The following WDFY4 variants were observed in gnomAD, a reference collection of about 807,000 sequenced individuals.
WDFY4 encodes the protein WDFY family member 4, also known as WD repeat- and FYVE domain-containing protein 4.
Under a neutral mutation model 351.9 loss-of-function variants are expected in WDFY4, and 169 were observed. That is an observed-to-expected ratio of 0.48 (90% CI 0.42 to 0.55). The LOEUF is 0.55. WDFY4 is among the 20% of genes least tolerant of loss of function. The probability of loss-of-function intolerance (pLI) is 0.00; values close to 1 mark genes in which losing one functional copy is unlikely to be tolerated. For synonymous variants in WDFY4, 1,622 were observed against 1,574.6 expected, an observed-to-expected ratio of 1.03 and a Z score of -0.71; for missense variants, 3,803 against 3,935.6, an observed-to-expected ratio of 0.97 and a Z score of 0.90.
chr10:48,828,905 T>C lies in WDFY4; in HGVS notation c.6340+9T>C, dbSNP rs948390666. Reference sequence around the variant, plus strand: ...ACCAAGTTTGAGTGATGGTACATTTTATTTGTCATTGTGTGTGTGGGCGGG... The same window carrying C: ...ACCAAGTTTGAGTGATGGTACATTTCATTTGTCATTGTGTGTGTGGGCGGG... On this transcript the variant is annotated intron_variant, in intron 37 of 61. Transcript: ENST00000325239. 4.8e-6 allele frequency: 4 copies of C among 839,614 alleles called. No individual in the cohort carries two copies. Among genetic ancestry groups the C allele is most frequent in the African/African-American group, 4.5e-5 (2 of 44,592 alleles). 52.0% of individuals were successfully genotyped at this position (839,614 alleles called of 1,614,324 possible). A position where few individuals can be genotyped will look rare whatever the true frequency, so the allele number is the denominator to read the frequency against.
intron 6 of WDFY4, 77 bp downstream of exon 6, chr10:48,726,147 C>T: frequency 6.9e-7 from 1 of 1,441,714 alleles, no homozygotes. Flanking sequence ...GGCTGAGGGC[C>T]CACTTTCTAC....
chr10:48,731,688 G>A (rs889026001), intron 9 of WDFY4, 126 bp downstream of exon 9: 21 of 1,149,708 alleles, frequency 1.8e-5, no homozygotes, highest in Non-Finnish European at 2.4e-5. Context: ...GGGAAGGTAT[G>A]CTTGGGACAC....
At chr10:48,846,697 G>T (rs1041486631) in intron 39 of WDFY4, among the ~76,000 whole-genome samples, 1 of 152,238 alleles carries the variant, frequency 6.6e-6, no homozygotes, top group Non-Finnish European at 1.5e-5. Flanking sequence ...GAGTCACACA[G>T]TAGGACTAAC....
chr10:48,899,674 G>GA (rs201433975), intron 45 of WDFY4, among the ~76,000 whole-genome samples: 452 of 150,842 alleles, frequency 3.0e-3, no homozygotes, highest in Middle Eastern at 6.8e-3. Context: ...AAGGGTGGGA[G>GA]AAAAAAAAAG....
chr10:48,714,698 A>G (rs530780812), intron 2 of WDFY4, among the ~76,000 whole-genome samples: 1 of 152,246 alleles, frequency 6.6e-6, no homozygotes, highest in Non-Finnish European at 1.5e-5. Context: ...GAAGTAGCCA[A>G]TGAGGTTTAT....
intron 39 of WDFY4, among the ~76,000 whole-genome samples, chr10:48,839,965 A>G (rs114592192): frequency 0.011 from 1,627 of 152,284 alleles, 29 homozygotes; most frequent in African/African-American, 0.037. Flanking sequence ...TTTTCCTGAG[A>G]TAACTGACCC....
chr10:48,711,739 C>T (rs1000562588), intron 2 of WDFY4, among the ~76,000 whole-genome samples: 49 of 152,256 alleles, frequency 3.2e-4, no homozygotes, highest in African/African-American at 1.1e-3. Context: ...GTGAGTGTGG[C>T]CCAGAGCAGA....
At chr10:48,823,114 A>G (rs1197523632) in intron 35 of WDFY4, 15 of 1,299,892 alleles carry the variant, frequency 1.2e-5, no homozygotes, top group Admixed American at 9.2e-5. Flanking sequence ...ATGTGCATGC[A>G]TATACACACA....
chr10:48,734,138 A>G (rs2064564282), intron 10 of WDFY4, 103 bp downstream of exon 10: 1 of 997,760 alleles, frequency 1.0e-6, no homozygotes, highest in East Asian at 2.6e-5. Flanking sequence ...GGAGTAACCA[A>G]TACACAGCGT....
intron 1 of WDFY4, among the ~76,000 whole-genome samples, chr10:48,700,018 G>T (rs1471207138): frequency 6.6e-6 from 1 of 152,138 alleles, no homozygotes; most frequent in Non-Finnish European, 1.5e-5. Context: ...TCAGAAATCT[G>T]GTTTTAACAA....
chr10:48,714,385 G>A (rs1011973250), intron 2 of WDFY4, among the ~76,000 whole-genome samples: 1 of 152,228 alleles, frequency 6.6e-6, no homozygotes, highest in Non-Finnish European at 1.5e-5. Context: ...ACTGTAGGAT[G>A]TTGCAGATAA....
chr10:48,724,115 T>G (rs2132294595), intron 5 of WDFY4, among the ~76,000 whole-genome samples: 1 of 152,270 alleles, frequency 6.6e-6, no homozygotes, highest in Non-Finnish European at 1.5e-5. Flanking sequence ...TTCCGGGCAG[T>G]TTCTGCTTTC....
At chr10:48,923,890 G>A (rs1564492061) in intron 47 of WDFY4, among the ~76,000 whole-genome samples, 1 of 152,186 alleles carries the variant, frequency 6.6e-6, no homozygotes, top group Non-Finnish European at 1.5e-5. Flanking sequence ...GGACAGGAAG[G>A]GGTGCTTCCA....
chr10:48,837,778 G>A (rs555686282), intron 39 of WDFY4, among the ~76,000 whole-genome samples: 1 of 152,270 alleles, frequency 6.6e-6, no homozygotes, highest in East Asian at 1.9e-4. Flanking sequence ...GCCTCTCTGG[G>A]CAGCCCCCGA....
At position 48,982,516 on chromosome 10, in the gene WDFY4, A is replaced by T; in HGVS notation, c.9496A>T (p.Thr3166Ser). Residue 3166 changes from threonine (T) to serine (S), a missense_variant, in exon 62 of 62, where the codon ACC (threonine) becomes TCC (serine). Thr to Ser is a moderately conservative substitution (Grantham distance 58). Coordinates refer to ENST00000325239, the MANE Select transcript of WDFY4 (RefSeq NM_001394531.1). ...TTTCTTTCTCTTCCCAAGAAACCAC[A>T]CCAAACTCCTGGTTGGTGATGAGAG... ...VTALAVSRNH[T>S]KLLVGDERGR... 6.6e-7 allele frequency: 1 copy of T among 1,518,824 alleles called. No individual in the cohort carries two copies. Among genetic ancestry groups the T allele is most frequent in the Non-Finnish European group, 8.9e-7 (1 of 1,128,264 alleles). 94.1% of individuals were successfully genotyped at this position (1,518,824 alleles called of 1,614,324 possible). A position where few individuals can be genotyped will look rare whatever the true frequency, so the allele number is the denominator to read the frequency against.
At chr10:48,811,514 T>C in intron 29 of WDFY4, 25 bp from the exon 30 acceptor site, 1 of 1,550,326 alleles carries the variant, frequency 6.5e-7, no homozygotes, top group Non-Finnish European at 8.7e-7. Flanking sequence ...AGCTGACTTT[T>C]GTGCCCCCTT....
intron 44 of WDFY4, among the ~76,000 whole-genome samples, chr10:48,895,875 G>C (rs931696820): frequency 1.3e-5 from 2 of 152,158 alleles, no homozygotes; most frequent in Non-Finnish European, 2.9e-5. Flanking sequence ...GCCTGCTGGA[G>C]GCATGCCTCT....
chr10:48,833,684 C>A (rs11101532), intron 39 of WDFY4, among the ~76,000 whole-genome samples: 66,755 of 151,908 alleles, frequency 0.44, 15,558 homozygotes, highest in East Asian at 0.83. Flanking sequence ...GTGATATATT[C>A]TAATCCCAGG....
chr10:48,814,915 C>A (rs566129399), intron 31 of WDFY4, among the ~76,000 whole-genome samples: 1 of 152,016 alleles, frequency 6.6e-6, no homozygotes, highest in Admixed American at 6.5e-5. Context: ...GCCTTTTTTT[C>A]CTCAATATTT....
Sources: allele counts gnomAD v4.1 joint callset (sites outside exome capture counted in the v4.1 genomes callset), GRCh38; gene constraint gnomAD v4.1.1; transcripts MANE v1.5; gene names NCBI Gene and HGNC (gene_info 2026-07-23, HGNC 2026-07-21).